ENOX1: variants seen among roughly 807,000 people sequenced by gnomAD.
ENOX1 encodes candidate growth-related and time keeping constitutive hydroquinone (NADH) oxidase.
ENOX1 carries 42 observed loss-of-function variants against 82.5 expected under a neutral mutation model. The ratio of observed to expected loss-of-function variants is 0.51; its 90% confidence interval spans 0.40 to 0.66. The LOEUF (loss-of-function observed/expected upper bound fraction) is 0.66, where lower values mean the gene tolerates loss of function less well. Among genes scored for constraint, ENOX1 ranks in the 30% least tolerant of loss-of-function variants. ENOX1 has a pLI of 0.00. For missense variants in ENOX1, 608 were observed against 811.6 expected (o/e 0.75, Z 3.05); for synonymous variants, 271 against 282.2 (o/e 0.96, Z 0.40).
Position 43,412,977 on chromosome 13 carries a change from G to A in ENOX1, c.-63C>T. Reference sequence around the variant, plus strand: ...TGGCTGAGTGCAGGGTCCCCTCGGAGGTCATCAGATTCTGCAAAACGGGAC... The same window carrying A: ...TGGCTGAGTGCAGGGTCCCCTCGGAAGTCATCAGATTCTGCAAAACGGGAC... On this transcript the variant is annotated 5_prime_UTR_variant, in exon 4 of 17. Transcript: ENST00000690772. 1.9e-6 allele frequency: 3 copies of A among 1,593,188 alleles called. No individual in the cohort carries two copies. Among genetic ancestry groups the A allele is most frequent in the Non-Finnish European group, 2.6e-6 (3 of 1,170,478 alleles).
chr13:43,294,011 AT>A (rs138160952), intron 12 of ENOX1, among the ~76,000 whole-genome samples: 22 of 149,348 alleles, frequency 1.5e-4, no homozygotes, highest in East Asian at 5.9e-4. Context: ...TACTTTTCCC[AT>A]TTTTTTTTTC....
At chr13:43,608,139 A>G (rs1413042117) in intron 2 of ENOX1, among the ~76,000 whole-genome samples, 1 of 152,112 alleles carries the variant, frequency 6.6e-6, no homozygotes, top group Non-Finnish European at 1.5e-5. Context: ...TCAGTAATTG[A>G]CTCCTTAATT....
chr13:43,729,436 A>G (rs903158197), intron 1 of ENOX1, among the ~76,000 whole-genome samples: 30 of 152,032 alleles, frequency 2.0e-4, no homozygotes, highest in Admixed American at 9.2e-4. Context: ...CACTTAATTC[A>G]TATACGACAG....
chr13:43,382,478 C>A (rs537933201), intron 5 of ENOX1, among the ~76,000 whole-genome samples: 1 of 152,118 alleles, frequency 6.6e-6, no homozygotes, highest in African/African-American at 2.4e-5. Flanking sequence ...TGACAACATG[C>A]GTGACTTTCA....
chr13:43,459,598 G>A (rs1245278517), intron 3 of ENOX1: 2 of 152,142 alleles, frequency 1.3e-5, no homozygotes, highest in Non-Finnish European at 2.9e-5. Flanking sequence ...AGTAGGAAAA[G>A]GGCCAAAGAT....
intron 2 of ENOX1, among the ~76,000 whole-genome samples, chr13:43,619,164 A>G (rs2082616503): frequency 6.6e-6 from 1 of 152,042 alleles, no homozygotes; most frequent in South Asian, 2.1e-4. Context: ...TTTCAAGGTA[A>G]ACAATCATAT....
chr13:43,281,589 C>T (rs779094936), intron 12 of ENOX1, among the ~76,000 whole-genome samples: 14 of 151,332 alleles, frequency 9.3e-5, no homozygotes, highest in Non-Finnish European at 1.3e-4. Context: ...TCCCCCTACT[C>T]TCAGTTGGCA....
chr13:43,477,073 A>C (rs896884951), intron 3 of ENOX1, among the ~76,000 whole-genome samples: 6 of 151,912 alleles, frequency 3.9e-5, no homozygotes, highest in Non-Finnish European at 7.4e-5. Flanking sequence ...TTGAGAAAAA[A>C]CAAGTTCCAA....
chr13:43,236,415 T>C (rs2042553225), intron 15 of ENOX1, among the ~76,000 whole-genome samples: 1 of 152,218 alleles, frequency 6.6e-6, no homozygotes, highest in Non-Finnish European at 1.5e-5. Context: ...CTCAGTTTCA[T>C]GTCTGACAAT....
intron 1 of ENOX1, among the ~76,000 whole-genome samples, chr13:43,759,984 T>C (rs1447858729): frequency 6.6e-6 from 1 of 152,200 alleles, no homozygotes; most frequent in Admixed American, 6.5e-5. Context: ...AGAAAATAAC[T>C]GCTTCATTAT....
intron 5 of ENOX1, among the ~76,000 whole-genome samples, chr13:43,393,303 A>G (rs1246929297): frequency 1.3e-5 from 2 of 152,184 alleles, no homozygotes. Flanking sequence ...AGCTTTTAAG[A>G]AAGGTATTTT....
At chr13:43,775,020 G>C (rs1258294049) in intron 1 of ENOX1, among the ~76,000 whole-genome samples, 1 of 151,910 alleles carries the variant, frequency 6.6e-6, no homozygotes, top group Non-Finnish European at 1.5e-5. Flanking sequence ...GCTAATTTTT[G>C]TATTTTTAGT....
In ENOX1 at chr13:43,360,057, T is replaced by A. The variant is rs762561734; in HGVS notation, c.383A>T (p.Asn128Ile). Residue 128 changes from asparagine to isoleucine, a missense_variant and splice_region_variant, in exon 7 of 17, where the codon AAT becomes ATT. Asn to Ile is a moderately radical substitution (Grantham distance 149). Transcript: ENST00000690772. ...KSCTLFPQNP[N>I]LPPPSTRERP... is the part of the protein sequence containing the mutation. ...TTCTCTTGTGGAAGGAGGTGGAAGA[T>A]CTAATAATCACAACAAAACAGAAAG... is the stretch of plus-strand genomic sequence containing the variant. 1 of 1,613,888 alleles carries A rather than the reference T, an allele frequency of 6.2e-7. No individual in the cohort carries two copies. The highest frequency in any genetic ancestry group is 8.5e-7 in the Non-Finnish European group (1 of 1,179,766).
rs869265102 is a variant in ENOX1, at chr13:43,247,883, A to ATTTTTTTT, written c.1612-11153_1612-11146dup. Reference sequence around the variant, plus strand: ...TATATATATATATATATATATATATATTTTTTTTTTTTTTTTTTTTGAGAC... The same window carrying ATTTTTTTT: ...TATATATATATATATATATATATATATTTTTTTTTTTTTTTTTTTTTTTTTTTTGAGAC... On this transcript the variant is annotated intron_variant, in intron 14 of 16. Coordinates refer to ENST00000690772, the MANE Select transcript of ENOX1 (RefSeq NM_001347969.2). Among the ~76,000 whole-genome samples the ATTTTTTTT allele has an allele frequency of 6.1e-4, 9 of 14,650 alleles. 1 individual carries two copies. The highest frequency in any genetic ancestry group is 2.9e-3 in the Admixed American group (2 of 690). 9.6% of individuals were successfully genotyped at this position (14,650 alleles called of 152,430 possible). A position where few individuals can be genotyped will look rare whatever the true frequency, so the allele number is the denominator to read the frequency against.
chr13:43,435,941 A>AC (rs1278157257), intron 3 of ENOX1, among the ~76,000 whole-genome samples: 2 of 151,858 alleles, frequency 1.3e-5, no homozygotes, highest in Non-Finnish European at 2.9e-5. Context: ...AAAAAAAAAA[A>AC]AAAACCAACC....
At chr13:43,715,760 G>A (rs774858937) in intron 1 of ENOX1, among the ~76,000 whole-genome samples, 3 of 151,862 alleles carry the variant, frequency 2.0e-5, no homozygotes, top group Non-Finnish European at 2.9e-5. Flanking sequence ...TGATCGCATC[G>A]GCTCCTGAGG....
chr13:43,682,219 T>G (rs1161638707), intron 1 of ENOX1, among the ~76,000 whole-genome samples: 4 of 152,136 alleles, frequency 2.6e-5, no homozygotes, highest in African/African-American at 9.7e-5. Context: ...TCTCTAGTAT[T>G]CAAGGTAGCT....
chr13:43,559,076 A>C (rs978363387), intron 2 of ENOX1, among the ~76,000 whole-genome samples: 1 of 152,198 alleles, frequency 6.6e-6, no homozygotes, highest in South Asian at 2.1e-4. Flanking sequence ...AGACTTTCTC[A>C]GTTCATGGCA....
At chr13:43,592,435 C>A (rs1293010833) in intron 2 of ENOX1, among the ~76,000 whole-genome samples, 5 of 152,060 alleles carry the variant, frequency 3.3e-5, no homozygotes, top group Non-Finnish European at 7.4e-5. Context: ...ATTTAAAATA[C>A]CATCATTGCA....
Sources: gnomAD v4.1 joint callset for allele counts (sites outside exome capture counted in the v4.1 genomes callset) on GRCh38, gnomAD v4.1.1 for gene constraint, MANE v1.5 for transcripts, NCBI Gene and HGNC (gene_info 2026-07-23, HGNC 2026-07-21) for gene names.